The following PPWD1 variants were observed in gnomAD, a reference collection of about 807,000 sequenced individuals.
The protein encoded by PPWD1 is peptidylprolyl isomerase domain and WD repeat-containing protein 1.
A neutral mutation model predicts 68.8 loss-of-function variants in PPWD1; 43 were observed. That is an observed-to-expected ratio of 0.62 (90% CI 0.49 to 0.81). The LOEUF (loss-of-function observed/expected upper bound fraction) is 0.81, where lower values mean the gene tolerates loss of function less well. Among genes scored for constraint, PPWD1 ranks in the 30% least tolerant of loss-of-function variants. The pLI is 0.00. For missense variants in PPWD1, 672 were observed against 804.8 expected (o/e 0.83, Z 2.00); for synonymous variants, 232 against 258.7 (o/e 0.90, Z 0.99).
At chr5:65,574,498 C>T (rs1421188165) in intron 5 of PPWD1, among the ~76,000 whole-genome samples, 1 of 138,148 alleles carries the variant, frequency 7.2e-6, no homozygotes, top group Non-Finnish European at 1.5e-5. Flanking sequence ...GCCCTGTTGC[C>T]CAGGCCGGAC....
chr5:65,575,999 G>A (rs1753262715), intron 5 of PPWD1, among the ~76,000 whole-genome samples: 1 of 152,176 alleles, frequency 6.6e-6, no homozygotes, highest in South Asian at 2.1e-4. Context: ...CACTAGCCAC[G>A]TGTCTACTGA....
Position 65,587,535 on chromosome 5 carries a change from A to AT in PPWD1, c.*145dup, listed in dbSNP as rs1455564086. The AT allele has an allele frequency of 1.4e-6, 1 of 714,356 alleles. No individual in the cohort carries two copies. The highest frequency in any genetic ancestry group is 3.2e-5 in the East Asian group (1 of 31,344). The allele number at this position is 714,356 out of a possible 1,614,324, so 44.3% of individuals were successfully genotyped here. A position where few individuals can be genotyped will look rare whatever the true frequency, so the allele number is the denominator to read the frequency against. On this transcript the variant is annotated 3_prime_UTR_variant, in exon 11 of 11. Transcript: ENST00000261308. Reference sequence around the variant, plus strand: ...ATTTTTGTATTTTTTATTAAAGGCTATTTTTTAAAAATTACCTTTGACTTT... The same window carrying AT: ...ATTTTTGTATTTTTTATTAAAGGCTATTTTTTTAAAAATTACCTTTGACTTT...
intron 6 of PPWD1, among the ~76,000 whole-genome samples, chr5:65,578,536 A>G (rs1012628225): frequency 6.6e-6 from 1 of 151,922 alleles, no homozygotes; most frequent in South Asian, 2.1e-4. Flanking sequence ...ATTTTAATAG[A>G]TGTGTAATGG....
At chr5:65,566,625 T>C (rs1469261822) in intron 1 of PPWD1, among the ~76,000 whole-genome samples, 1 of 152,182 alleles carries the variant, frequency 6.6e-6, no homozygotes, top group East Asian at 1.9e-4. Flanking sequence ...ATGTTTAATT[T>C]AGCAACTTTT....
chr5:65,567,955 C>T (rs1752850460), intron 2 of PPWD1: 1 of 173,744 alleles, frequency 5.8e-6, no homozygotes, highest in South Asian at 1.8e-4. Flanking sequence ...TGTGGGCTAA[C>T]ATACCCTAGG....
At chr5:65,578,492 C>T (rs895489174) in intron 6 of PPWD1, among the ~76,000 whole-genome samples, 1 of 152,116 alleles carries the variant, frequency 6.6e-6, no homozygotes, top group Non-Finnish European at 1.5e-5. Flanking sequence ...ATCTGTGCCA[C>T]CATTTGGTAT....
At chr5:65,572,358 ATCT>A (rs1043880194) in intron 5 of PPWD1, 72 bp downstream of exon 5, 57 of 1,380,796 alleles carry the variant, frequency 4.1e-5, no homozygotes, top group Admixed American at 1.0e-4. Flanking sequence ...TTCTTGAAAG[ATCT>A]TTTTTCTACA....
chr5:65,579,279 G>A (rs1363337965), intron 6 of PPWD1, 145 bp from the exon 7 acceptor site: 3 of 1,246,080 alleles, frequency 2.4e-6, no homozygotes, highest in African/African-American at 1.6e-5. Context: ...TACCTTTTGG[G>A]GGGTAGAGAA....
At chr5:65,573,075 C>T (rs960083001) in intron 5 of PPWD1, among the ~76,000 whole-genome samples, 2 of 152,110 alleles carry the variant, frequency 1.3e-5, no homozygotes, top group Admixed American at 6.5e-5. Flanking sequence ...ACCTTTCTCC[C>T]TGCCTTTTAT....
At chr5:65,583,605 T>C (rs1391787004) in intron 8 of PPWD1, among the ~76,000 whole-genome samples, 1 of 152,192 alleles carries the variant, frequency 6.6e-6, no homozygotes, top group East Asian at 1.9e-4. Flanking sequence ...TTACCAACAG[T>C]TGCTAGATAC....
chr5:65,565,677 G>A (rs1188175995), intron 1 of PPWD1, among the ~76,000 whole-genome samples: 1 of 151,858 alleles, frequency 6.6e-6, no homozygotes, highest in East Asian at 1.9e-4. Flanking sequence ...GCGTGGTGGC[G>A]CACACCTATA....
At chr5:65,574,468 T>A (rs996659316) in intron 5 of PPWD1, among the ~76,000 whole-genome samples, 11 of 141,558 alleles carry the variant, frequency 7.8e-5, no homozygotes, top group African/African-American at 2.9e-4. Context: ...TTTTTTTTTT[T>A]TTTTTTGAGA....
chr5:65,568,615 C>G (rs1360336634), intron 2 of PPWD1, among the ~76,000 whole-genome samples: 1 of 152,048 alleles, frequency 6.6e-6, no homozygotes, highest in Middle Eastern at 3.2e-3. Flanking sequence ...AGTTAGGAAG[C>G]TGGTATAGAA....
chr5:65,567,732 T>TCG (rs1752841524), intron 2 of PPWD1, 117 bp downstream of exon 2: 9 of 1,368,332 alleles, frequency 6.6e-6, no homozygotes, highest in Non-Finnish European at 7.6e-6. Flanking sequence ...TTTAATTTCT[T>TCG]AAGTTCTGAA....
chr5:65,567,789 T>G, intron 2 of PPWD1, 174 bp downstream of exon 2: 1 of 1,187,208 alleles, frequency 8.4e-7, no homozygotes, highest in East Asian at 2.9e-5. Flanking sequence ...TAATGCATTC[T>G]CTAAGATAGA....
chr5:65,564,552 C>T (rs1393157483), intron 1 of PPWD1, among the ~76,000 whole-genome samples: 1 of 152,108 alleles, frequency 6.6e-6, no homozygotes, highest in East Asian at 1.9e-4. Context: ...ATTTCTTGAC[C>T]TCGTAATCTG....
At chr5:65,583,467 T>C (rs548361151) in intron 8 of PPWD1, among the ~76,000 whole-genome samples, 2 of 152,330 alleles carry the variant, frequency 1.3e-5, no homozygotes, top group African/African-American at 4.8e-5. Flanking sequence ...GTGCTGAGTG[T>C]AAACTGTAAA....
chr5:65,587,175 C>T, intron 10 of PPWD1, 78 bp from the exon 11 acceptor site: 1 of 1,403,706 alleles, frequency 7.1e-7, no homozygotes. Context: ...CTTAAATTCT[C>T]TTTAATTTGC....
chr5:65,574,244 T>G (rs1310244424), intron 5 of PPWD1, among the ~76,000 whole-genome samples: 1 of 152,206 alleles, frequency 6.6e-6, no homozygotes, highest in Non-Finnish European at 1.5e-5. Flanking sequence ...ATTATCCTTA[T>G]GACAAATTTT....
Sources: gnomAD v4.1 joint callset for allele counts (sites outside exome capture counted in the v4.1 genomes callset) on GRCh38, gnomAD v4.1.1 for gene constraint, MANE v1.5 for transcripts, NCBI Gene and HGNC (gene_info 2026-07-23, HGNC 2026-07-21) for gene names.